Variants in AGPAT5 observed in about 807,000 individuals in gnomAD.
AGPAT5 encodes the protein 1-acyl-sn-glycerol-3-phosphate acyltransferase epsilon.
Under a neutral mutation model 45.6 loss-of-function variants are expected in AGPAT5, and 46 were observed. The ratio of observed to expected loss-of-function variants is 1.01; its 90% confidence interval spans 0.80 to 1.29. The LOEUF is 1.29. Among genes scored for constraint, AGPAT5 ranks in the 50% most tolerant of loss-of-function variants. The pLI, the probability that AGPAT5 is intolerant of heterozygous loss-of-function variation, is 0.00. For missense variants in AGPAT5, 673 were observed against 450.7 expected (o/e 1.49, Z -4.47); for synonymous variants, 272 against 167.0 (o/e 1.63, Z -4.85).
chr8:6,723,900 A>G (rs531015458), intron 1 of AGPAT5, among the ~76,000 whole-genome samples: 1 of 152,324 alleles, frequency 6.6e-6, no homozygotes, highest in East Asian at 1.9e-4. Flanking sequence ...ATCCTTATGG[A>G]CAAGATAGAT....
chr8:6,721,003 T>C (rs922984232), intron 1 of AGPAT5, among the ~76,000 whole-genome samples: 63 of 152,332 alleles, frequency 4.1e-4, no homozygotes, highest in Non-Finnish European at 8.2e-4. Flanking sequence ...GAAGAAGGCT[T>C]TGCTGAAGAA....
intron 2 of AGPAT5, 73 bp downstream of exon 2, chr8:6,725,012 T>C (rs1800638853): frequency 2.0e-6 from 1 of 507,180 alleles, no homozygotes; most frequent in Admixed American, 4.8e-5. Context: ...ACCGTTCTTA[T>C]ATTTAAATGA....
intron 1 of AGPAT5, among the ~76,000 whole-genome samples, chr8:6,720,052 T>C (rs1587007209): frequency 6.6e-6 from 1 of 152,306 alleles, no homozygotes; most frequent in East Asian, 1.9e-4. Flanking sequence ...AGAGACATTC[T>C]GGGGAACTCA....
In AGPAT5 at chr8:6,750,295, A is replaced by T. The variant is rs142953943; in HGVS notation, c.745+2467A>T. Among the ~76,000 whole-genome samples the T allele has an allele frequency of 8.5e-5, 13 of 152,272 alleles. No individual in the cohort carries two copies. In the East Asian group the frequency reaches 2.3e-3, roughly 27 times the overall value. On this transcript the variant is annotated intron_variant, in intron 6 of 7. Coordinates refer to ENST00000285518, the MANE Select transcript of AGPAT5 (RefSeq NM_018361.5). ...GAAGCCAAAACCTTCTGTGAGTTGCATTGCCTGGGTTCCAACCTCCCACTG... is the reference window on the plus strand; with the variant it reads ...GAAGCCAAAACCTTCTGTGAGTTGCTTTGCCTGGGTTCCAACCTCCCACTG...
rs776708578 is a variant in AGPAT5, at chr8:6,708,719, C to T, written c.51C>T (p.Pro17=). The part of the protein sequence containing the change: ...LHTYSMRYLL[P]SVVLLGTAPT... ...CGTACTCCATGCGCTACCTGCTGCC[C>T]AGCGTCGTGCTCCTGGGCACGGCGC... Residue 17 remains proline, a synonymous_variant, in exon 1 of 8, where the codon CCC becomes CCT. Coordinates refer to ENST00000285518, the MANE Select transcript of AGPAT5 (RefSeq NM_018361.5). 1.9e-6 allele frequency: 3 copies of T among 1,606,436 alleles called. No individual in the cohort carries two copies. In the South Asian group the frequency reaches 3.3e-5, roughly 18 times the overall value.
intron 5 of AGPAT5, among the ~76,000 whole-genome samples, chr8:6,743,199 T>C (rs1801294826): frequency 6.6e-6 from 1 of 152,224 alleles, no homozygotes; most frequent in Non-Finnish European, 1.5e-5. Context: ...ACATGTGTTA[T>C]TTCCAGTGTC....
At chr8:6,751,461 G>A (rs1426817655) in intron 6 of AGPAT5, among the ~76,000 whole-genome samples, 1 of 152,224 alleles carries the variant, frequency 6.6e-6, no homozygotes, top group East Asian at 1.9e-4. Flanking sequence ...GCAGGTGAGA[G>A]CTGGGAAGCT....
intron 1 of AGPAT5, among the ~76,000 whole-genome samples, chr8:6,714,164 A>G (rs1423148444): frequency 6.6e-6 from 1 of 152,160 alleles, no homozygotes; most frequent in Non-Finnish European, 1.5e-5. Flanking sequence ...AAGAATATGA[A>G]TCATACCTTG....
rs752941173 is a variant in AGPAT5 at position 6,732,612 on chromosome 8, C to G, written c.457C>G (p.Arg153Gly). The change falls in exon 4 of 8, where the codon CGA becomes GGA. Residue 153 changes from arginine to glycine, a missense_variant. Physicochemically the swap from Arg to Gly is moderately radical, Grantham distance 125. Transcript: ENST00000285518. Reference protein sequence around the residue: ...RSAKFNEKEMRNKLQSYVDAG... With the variant: ...RSAKFNEKEMGNKLQSYVDAG... ...TGCCAAATTTAACGAGAAAGAGATG[C>G]GAAACAAGTTGCAGAGCTACGTGGA... 5 of 1,610,720 alleles carry G rather than the reference C, an allele frequency of 3.1e-6. No individual in the cohort carries two copies. The highest frequency in any genetic ancestry group is 1.1e-5 in the South Asian group (1 of 90,448).
At chr8:6,712,873 C>T (rs1800197866) in intron 1 of AGPAT5, among the ~76,000 whole-genome samples, 1 of 151,962 alleles carries the variant, frequency 6.6e-6, no homozygotes, top group African/African-American at 2.4e-5. Flanking sequence ...CTTCAAATGT[C>T]AGAATTCTTT....
intron 6 of AGPAT5, 66 bp downstream of exon 6, chr8:6,747,894 T>C: frequency 6.7e-7 from 1 of 1,484,714 alleles, no homozygotes; most frequent in East Asian, 2.3e-5. Context: ...TTATGTAGAA[T>C]TCAGTTTTAC....
intron 4 of AGPAT5, among the ~76,000 whole-genome samples, chr8:6,741,130 A>G (rs1372662940): frequency 6.6e-6 from 1 of 152,170 alleles, no homozygotes; most frequent in African/African-American, 2.4e-5. Context: ...AATAAAATTT[A>G]AAATGCACTA....
chr8:6,736,454 T>C (rs929520506), intron 4 of AGPAT5, among the ~76,000 whole-genome samples: 27 of 152,276 alleles, frequency 1.8e-4, no homozygotes, highest in African/African-American at 6.5e-4. Flanking sequence ...CTTTAAGTGA[T>C]AAAGGCATAA....
intron 1 of AGPAT5, among the ~76,000 whole-genome samples, chr8:6,712,066 G>A (rs1337262269): frequency 6.6e-6 from 1 of 152,132 alleles, no homozygotes; most frequent in African/African-American, 2.4e-5. Context: ...CCATAGTTCT[G>A]CCTATTCAGT....
chr8:6,739,925 C>CTTGTTCTTTT (rs1801186632), intron 4 of AGPAT5, among the ~76,000 whole-genome samples: 4 of 152,066 alleles, frequency 2.6e-5, no homozygotes, highest in Non-Finnish European at 5.9e-5. Context: ...TCCTTCATCA[C>CTTGTTCTTTT]ACCTTGTTCT....
rs1416233192 is a variant in AGPAT5 at position 6,708,896 on chromosome 8, C to T, written c.219+9C>T. ...ATTACACCGGGGTCCAGGTGAGCCG[C>T]CTCCCGCTCCCGGGTCTCGGCGTCC... On this transcript the variant is annotated intron_variant, in intron 1 of 7. Transcript: ENST00000285518. The T allele has an allele frequency of 1.9e-6, 3 of 1,595,418 alleles. No homozygotes were observed. Among genetic ancestry groups the T allele is most frequent in the Non-Finnish European group, 2.6e-6 (3 of 1,172,304 alleles).
intron 4 of AGPAT5, among the ~76,000 whole-genome samples, chr8:6,735,949 G>A (rs952571935): frequency 6.7e-6 from 1 of 150,006 alleles, no homozygotes; most frequent in African/African-American, 2.5e-5. Context: ...CTGCCTCACG[G>A]GTTCAAGCAA....
rs1465501749 is a variant in AGPAT5, at chr8:6,760,347, A to G, written c.*2959A>G. On this transcript the variant is annotated 3_prime_UTR_variant, in exon 8 of 8. Coordinates refer to ENST00000285518, the MANE Select transcript of AGPAT5 (RefSeq NM_018361.5). ...CAGGAGGTTGAGATTGCAGTGAGCCATGGACATACCACTGCACTACAGCCT... is the reference window on the plus strand; with the variant it reads ...CAGGAGGTTGAGATTGCAGTGAGCCGTGGACATACCACTGCACTACAGCCT... Among the ~76,000 whole-genome samples the G allele has an allele frequency of 6.6e-6, 1 of 152,176 alleles. No individual in the cohort carries two copies. Among genetic ancestry groups the G allele is most frequent in the African/African-American group, 2.4e-5 (1 of 41,432 alleles).
intron 5 of AGPAT5, among the ~76,000 whole-genome samples, chr8:6,746,612 T>A (rs1801474224): frequency 2.6e-5 from 4 of 152,168 alleles, no homozygotes; most frequent in Non-Finnish European, 5.9e-5. Flanking sequence ...AGTTTGTGAA[T>A]CAATTTAACT....
Sources: allele counts gnomAD v4.1 joint callset (sites outside exome capture counted in the v4.1 genomes callset), GRCh38; gene constraint gnomAD v4.1.1; transcripts MANE v1.5; gene names NCBI Gene and HGNC (gene_info 2026-07-23, HGNC 2026-07-21).